COL22A1: variants seen among roughly 807,000 people sequenced by gnomAD.
COL22A1 encodes the protein collagen alpha-1(XXII) chain.
A neutral mutation model predicts 248.9 loss-of-function variants in COL22A1; 221 were observed. The ratio of observed to expected loss-of-function variants is 0.89; its 90% CI spans 0.80 to 0.99. The LOEUF (loss-of-function observed/expected upper bound fraction) is 0.99, where lower values mean the gene tolerates loss of function less well. Among genes scored for constraint, COL22A1 ranks in the 50% least tolerant of loss-of-function variants. The pLI is 0.00. For synonymous variants in COL22A1, 891 were observed against 793.4 expected, an observed-to-expected ratio of 1.12 and a Z score of -2.07; for missense variants, 2,240 against 2,179.0, an observed-to-expected ratio of 1.03 and a Z score of -0.56.
intron 31 of COL22A1, 61 bp from the exon 32 acceptor site, chr8:138,700,205 T>A: frequency 6.6e-7 from 1 of 1,524,944 alleles, no homozygotes; most frequent in South Asian, 1.2e-5. Flanking sequence ...GTTTCATTTT[T>A]AAAACCTGCC....
At chr8:138,883,283 C>T in intron 1 of COL22A1, 39 bp from the exon 2 acceptor site, 2 of 1,144,688 alleles carry the variant, frequency 1.7e-6, no homozygotes, top group Non-Finnish European at 1.2e-6. Context: ...GGCTCTCAAG[C>T]TGAAAGTCTG....
chr8:138,835,383 T>G (rs192348361), intron 4 of COL22A1, among the ~76,000 whole-genome samples: 43 of 152,274 alleles, frequency 2.8e-4, no homozygotes, highest in Non-Finnish European at 4.1e-4. Context: ...TTACACACAC[T>G]AGTGTGAGTG....
rs1046269127 is a variant in COL22A1, at chr8:138,620,030, G to A, written c.3772-522C>T. 9 of 164,548 alleles carry A rather than the reference G, an allele frequency of 5.5e-5. No individual in the cohort carries two copies. The South Asian group carries it at 9.5e-4, about 17-fold the overall frequency. 10.2% of individuals were successfully genotyped at this position (164,548 alleles called of 1,614,324 possible). Reference sequence around the variant, plus strand: ...ACCTACTGGCAGGGCGACCTGTGACGTACACAGCCTTTTCCTCACCCCATC... The same window carrying A: ...ACCTACTGGCAGGGCGACCTGTGACATACACAGCCTTTTCCTCACCCCATC... On this transcript the variant is annotated intron_variant, in intron 52 of 64. Coordinates refer to ENST00000303045, the MANE Select transcript of COL22A1 (RefSeq NM_152888.3).
chr8:138,589,529 A>G, intron 64 of COL22A1, 89 bp from the exon 65 acceptor site: 1 of 1,112,760 alleles, frequency 9.0e-7, no homozygotes, highest in Non-Finnish European at 1.2e-6. Flanking sequence ...ATTCACTATG[A>G]ACTCAGGACC....
rs1232034159 is a variant in COL22A1, at chr8:138,755,491, T to C, written c.1968A>G (p.Lys656=). The part of the protein sequence containing the change: ...PGSVVQQEGL[K]GEQGAPGPRG... ...CGCGTGTGCCTCTTACCTGTTCCCC[T>C]TTCAAGCCCTCTTGCTGCACCTGAG... The change falls in exon 20 of 65, where the codon AAA becomes AAG. Residue 656 remains lysine (K), a synonymous_variant. Transcript: ENST00000303045. The C allele has an allele frequency of 6.2e-7, 1 of 1,614,072 alleles. No homozygotes were observed. Among genetic ancestry groups the C allele is most frequent in the African/African-American group, 1.3e-5 (1 of 75,034 alleles).
intron 23 of COL22A1, among the ~76,000 whole-genome samples, chr8:138,733,420 C>T (rs1401401620): frequency 6.6e-6 from 1 of 152,230 alleles, no homozygotes; most frequent in East Asian, 1.9e-4. Flanking sequence ...AGTGCTGGCT[C>T]TTCCCATAAC....
intron 55 of COL22A1, among the ~76,000 whole-genome samples, chr8:138,615,153 C>T (rs1587679498): frequency 6.6e-6 from 1 of 152,328 alleles, no homozygotes; most frequent in African/African-American, 2.4e-5. Context: ...GCTATTCCTG[C>T]CTCTGACTCT....
Position 138,829,241 on chromosome 8 carries a change from T to TGGGCCTCCCTCAGCATTCA in COL22A1, c.846-2479_846-2461dup, listed in dbSNP as rs561854557. Among the ~76,000 whole-genome samples the TGGGCCTCCCTCAGCATTCA allele has an allele frequency of 9.2e-5, 14 of 152,264 alleles. 1 individual carries two copies. The South Asian group carries it at 2.9e-3, about 32-fold the overall frequency. On this transcript the variant is annotated intron_variant, in intron 5 of 64. Coordinates refer to ENST00000303045, the MANE Select transcript of COL22A1 (RefSeq NM_152888.3). ...AACAGGGCCCATCACTCATAGCACC[T>TGGGCCTCCCTCAGCATTCA]GGGCCTCCCTCAGCATTCAGAGACA...
intron 45 of COL22A1, among the ~76,000 whole-genome samples, chr8:138,655,106 C>A (rs116424764): frequency 2.0e-5 from 3 of 152,336 alleles, no homozygotes; most frequent in African/African-American, 7.2e-5. Context: ...TATTCTATTC[C>A]ATTCCATTCA....
chr8:138,891,788 A>T (rs931389493), intron 1 of COL22A1, among the ~76,000 whole-genome samples: 1 of 152,210 alleles, frequency 6.6e-6, no homozygotes, highest in Non-Finnish European at 1.5e-5. Context: ...CAAAGGATAT[A>T]GTCAAACACC....
At chr8:138,833,861 A>G (rs1820235612) in intron 4 of COL22A1, among the ~76,000 whole-genome samples, 1 of 152,162 alleles carries the variant, frequency 6.6e-6, no homozygotes, top group Non-Finnish European at 1.5e-5. Context: ...GACACTGGGC[A>G]AGCTACATGA....
intron 41 of COL22A1, among the ~76,000 whole-genome samples, chr8:138,673,390 A>G (rs1023093720): frequency 4.6e-5 from 7 of 151,868 alleles, no homozygotes; most frequent in African/African-American, 1.7e-4. Flanking sequence ...TGGTATTTTT[A>G]GTAGAGACAG....
At chr8:138,740,411 C>T (rs974915299) in intron 22 of COL22A1, among the ~76,000 whole-genome samples, 2 of 152,140 alleles carry the variant, frequency 1.3e-5, no homozygotes, top group Non-Finnish European at 2.9e-5. Flanking sequence ...AGCATCAGTT[C>T]CCTCTCCAGG....
At chr8:138,741,744 C>T (rs749437726) in intron 22 of COL22A1, among the ~76,000 whole-genome samples, 45 of 152,158 alleles carry the variant, frequency 3.0e-4, no homozygotes, top group Non-Finnish European at 5.3e-4. Flanking sequence ...CCTAGCAGTG[C>T]CACAGAGTTT....
chr8:138,610,290 C>T (rs750435354), intron 56 of COL22A1, among the ~76,000 whole-genome samples: 1 of 152,180 alleles, frequency 6.6e-6, no homozygotes, highest in Non-Finnish European at 1.5e-5. Context: ...AGGTGGTTGC[C>T]ATATGGCCTA....
At chr8:138,677,739 A>G (rs1825677776) in intron 40 of COL22A1, among the ~76,000 whole-genome samples, 1 of 152,236 alleles carries the variant, frequency 6.6e-6, no homozygotes. Flanking sequence ...TTACCTTTCC[A>G]AAATCGAAAT....
chr8:138,883,222 G>A lies in COL22A1; in HGVS notation c.-50C>T. 2 of 1,502,692 alleles carry A rather than the reference G, an allele frequency of 1.3e-6. No homozygotes were observed. Among genetic ancestry groups the A allele is most frequent in the Non-Finnish European group, 1.8e-6 (2 of 1,104,306 alleles). The allele number at this position is 1,502,692 out of a possible 1,614,324, so 93.1% of individuals were successfully genotyped here. A position where few individuals can be genotyped will look rare whatever the true frequency, so the allele number is the denominator to read the frequency against. Reference sequence around the variant, plus strand: ...CTTCTCTTGGCCAGGAAGAGACGCTGTTAGGGTCTACAGCAGCATGGCCTG... The same window carrying A: ...CTTCTCTTGGCCAGGAAGAGACGCTATTAGGGTCTACAGCAGCATGGCCTG... On this transcript the variant is annotated 5_prime_UTR_variant, in exon 2 of 65. Coordinates refer to ENST00000303045, the MANE Select transcript of COL22A1 (RefSeq NM_152888.3).
intron 64 of COL22A1, among the ~76,000 whole-genome samples, chr8:138,589,859 A>C (rs1450009835): frequency 6.6e-6 from 1 of 152,132 alleles, no homozygotes; most frequent in Non-Finnish European, 1.5e-5. Context: ...AATTCACATG[A>C]CCTTAGAGAC....
Position 138,589,312 on chromosome 8 carries a change from A to C in COL22A1, c.4822T>G (p.Ser1608Ala). 1 of 1,613,760 alleles carries C rather than the reference A, an allele frequency of 6.2e-7. No homozygotes were observed. Among genetic ancestry groups the C allele is most frequent in the Non-Finnish European group, 8.5e-7 (1 of 1,179,822 alleles). ...AGGCTGGCGAAGTAGGCACACTGGG[A>C]AGGGTCACATTGGCCTGGGGGACCG... ...PPGPPGQCDP[S>A]QCAYFASLAA... is the part of the protein sequence containing the mutation. The change falls in exon 65 of 65, where the codon TCC (serine) becomes GCC (alanine). Residue 1608 changes from serine (S) to alanine (A), a missense_variant. By Grantham distance (99) the Ser-to-Ala change is moderately conservative. Coordinates refer to ENST00000303045, the MANE Select transcript of COL22A1 (RefSeq NM_152888.3).
Sources: gnomAD v4.1 joint callset for allele counts (sites outside exome capture counted in the v4.1 genomes callset) on GRCh38, gnomAD v4.1.1 for gene constraint, MANE v1.5 for transcripts, NCBI Gene and HGNC (gene_info 2026-07-23, HGNC 2026-07-21) for gene names.